Variants in WNT5A observed in about 807,000 individuals in gnomAD.
WNT5A encodes Wnt family member 5A, also known as protein Wnt-5a.
In WNT5A, 9 loss-of-function variants were observed where a neutral mutation model predicts 42.1. That is an observed-to-expected ratio of 0.21 (90% CI 0.13 to 0.37). The LOEUF (loss-of-function observed/expected upper bound fraction) is 0.37, where lower values mean the gene tolerates loss of function less well. WNT5A is among the 10% of genes least tolerant of loss of function. The pLI is 1.00. For missense variants in WNT5A, 426 were observed against 534.0 expected (o/e 0.80, Z 1.99); for synonymous variants, 210 against 210.0 (o/e 1.00, Z 0.00).
At chr3:55,497,237 T>A in the WNT5A span, among the ~76,000 whole-genome samples, 1 of 152,220 alleles carries the variant, frequency 6.6e-6, no homozygotes, top group Non-Finnish European at 1.5e-5. Flanking sequence ...GCATGGGCTG[T>A]CGTTAGGCCT....
At chr3:55,482,807 G>A (rs952064915) in intron 1 of WNT5A, among the ~76,000 whole-genome samples, 1 of 152,180 alleles carries the variant, frequency 6.6e-6, no homozygotes, top group African/African-American at 2.4e-5. Context: ...AGGGGAGGGA[G>A]TGGGCTGCAA....
the WNT5A span, chr3:55,501,651 T>C: frequency 6.6e-6 from 1 of 152,268 alleles, no homozygotes; most frequent in Non-Finnish European, 1.5e-5. Flanking sequence ...TTTTCATCTG[T>C]GTACTTTTAA....
upstream of WNT5A, among the ~76,000 whole-genome samples, chr3:55,488,528 C>A (rs1258214318): frequency 6.6e-6 from 1 of 151,868 alleles, no homozygotes; most frequent in Non-Finnish European, 1.5e-5. Context: ...CTCAACTTTG[C>A]TATGCGCATG....
intron 1 of WNT5A, among the ~76,000 whole-genome samples, chr3:55,484,789 TCCAGAGGTGGAGCAGAGTCCTTGGACA>T (rs1362641653): frequency 3.3e-5 from 5 of 152,140 alleles, no homozygotes; most frequent in African/African-American, 1.2e-4. Flanking sequence ...ATCAACTTTG[TCCAGAGGTGGAGCAGAGTCCTTGGACA>T]GAGGAAGAAA....
Position 55,483,561 on chromosome 3 carries a change from G to A in WNT5A, c.7-2643C>T, listed in dbSNP as rs1361462544. Among the ~76,000 whole-genome samples, 2 of 152,268 alleles carry A rather than the reference G, an allele frequency of 1.3e-5. No homozygotes were observed. The highest frequency in any genetic ancestry group is 3.9e-4 in the East Asian group (2 of 5,154). Reference sequence around the variant, plus strand: ...TCAGAAACTGAGTTTCCCAAAGAAGGGGCTAAATGTTTTCCAACACTTTCG... The same window carrying A: ...TCAGAAACTGAGTTTCCCAAAGAAGAGGCTAAATGTTTTCCAACACTTTCG... On this transcript the variant is annotated intron_variant, in intron 1 of 4. Coordinates refer to ENST00000264634, the MANE Select transcript of WNT5A (RefSeq NM_003392.7). The surrounding 1 kb of genome is among the most constrained non-coding windows in gnomAD (Gnocchi z 4.2).
In WNT5A at chr3:55,466,557, C is replaced by G. The variant is rs2051146721; in HGVS notation, c.*3535G>C. ...GAGGTCAGTAGCTCACAGAACTCAA[C>G]AGATAAACTGGATTAAAACTTAAAA... On this transcript the variant is annotated 3_prime_UTR_variant, in exon 5 of 5. Coordinates refer to ENST00000264634, the MANE Select transcript of WNT5A (RefSeq NM_003392.7). 1 of 152,356 alleles carries G rather than the reference C, an allele frequency of 6.6e-6. No homozygotes were observed. Among genetic ancestry groups the G allele is most frequent in the South Asian group, 2.1e-4 (1 of 4,830 alleles). 9.4% of individuals were successfully genotyped at this position (152,356 alleles called of 1,614,324 possible).
rs2051191795 is a variant in WNT5A at position 55,468,744 on chromosome 3, A to G, written c.*1348T>C. On this transcript the variant is annotated 3_prime_UTR_variant, in exon 5 of 5. Transcript: ENST00000264634. ...CTTATAAATGCAACTGTTCAAGTAC[A>G]CTGGGAACAGTTTTAAGGTACACCT... The G allele has an allele frequency of 6.6e-6, 1 of 152,518 alleles. No homozygotes were observed. Among genetic ancestry groups the G allele is most frequent in the African/African-American group, 2.4e-5 (1 of 41,414 alleles). The allele number at this position is 152,518 out of a possible 1,614,324, so 9.4% of individuals were successfully genotyped here.
intron 1 of WNT5A, 103 bp from the exon 2 acceptor site, chr3:55,481,021 T>G: frequency 8.3e-7 from 1 of 1,201,740 alleles, no homozygotes; most frequent in South Asian, 3.4e-5. Flanking sequence ...AGTTTACTGT[T>G]GATTGACTGC....
At chr3:55,481,449 G>A in intron 1 of WNT5A, 1 of 960,204 alleles carries the variant, frequency 1.0e-6, no homozygotes, top group Non-Finnish European at 1.2e-6. Context: ...CGCGGGGGGT[G>A]GAGGATGGGG....
Position 55,474,599 on chromosome 3 carries a change from A to G in WNT5A, c.422T>C (p.Val141Ala). 6.9e-7 allele frequency: 1 copy of G among 1,448,656 alleles called. No individual in the cohort carries two copies. Among genetic ancestry groups the G allele is most frequent in the Non-Finnish European group, 9.0e-7 (1 of 1,105,168 alleles). 89.7% of individuals were successfully genotyped at this position (1,448,656 alleles called of 1,614,324 possible). The change falls in exon 4 of 5, where the codon GTG becomes GCG. Residue 141 changes from valine (V) to alanine (A), a missense_variant. Val to Ala is a moderately conservative substitution (Grantham distance 64, BLOSUM62 0). Around this residue, in one of 3 missense-constraint regions of WNT5A, gnomAD observed 358 missense variants for 468.1 expected, o/e 0.76. Transcript: ENST00000264634. ...GGCGTTCACCACCCCTGCTGCGCTCACCGCGTATGTGAAGGCCGTCTCGCG... is the reference window on the plus strand; with the variant it reads ...GGCGTTCACCACCCCTGCTGCGCTCGCCGCGTATGTGAAGGCCGTCTCGCG... The part of the protein sequence containing the change: ...GSRETAFTYA[V>A]SAAGVVNAMS...
chr3:55,472,836 A>G (rs1315770750), intron 4 of WNT5A, among the ~76,000 whole-genome samples: 2 of 152,248 alleles, frequency 1.3e-5, no homozygotes, highest in East Asian at 3.8e-4. Context: ...TCAAGCACTT[A>G]CTACTGGCGG....
At chr3:55,486,436 C>A (rs1403431466) in intron 1 of WNT5A, among the ~76,000 whole-genome samples, 1 of 152,230 alleles carries the variant, frequency 6.6e-6, no homozygotes, top group East Asian at 1.9e-4. Context: ...GGCAAGCCTA[C>A]AATCTGGCCT....
chr3:55,491,041 C>T (rs1185136379), upstream of WNT5A, among the ~76,000 whole-genome samples: 4 of 152,182 alleles, frequency 2.6e-5, no homozygotes, highest in Non-Finnish European at 5.9e-5. Flanking sequence ...GGCTGGAACC[C>T]CAGTCCTCAG....
rs117338660 is a variant in WNT5A at position 55,470,428 on chromosome 3, C to T, written c.807G>A (p.Lys269=). The change falls in exon 5 of 5, where the codon AAG becomes AAA. Residue 269 remains lysine, a synonymous_variant. Transcript: ENST00000264634. ...GCCGCATGGCCGCCGCGCTGTCGTACTTCTCCTTCAGGGCATCACCCACCT... is the reference window on the plus strand; with the variant it reads ...GCCGCATGGCCGCCGCGCTGTCGTATTTCTCCTTCAGGGCATCACCCACCT... ...FRKVGDALKE[K]YDSAAAMRLN... 285 of 1,612,754 alleles carry T rather than the reference C, an allele frequency of 1.8e-4. 2 individuals are homozygous for T. The East Asian group carries it at 6.1e-3, about 34-fold the overall frequency.
chr3:55,479,646 T>G, intron 2 of WNT5A, 82 bp from the exon 3 acceptor site: 1 of 1,475,154 alleles, frequency 6.8e-7, no homozygotes, highest in Non-Finnish European at 9.0e-7. Flanking sequence ...CAATACATAG[T>G]TTTAAGCACA....
chr3:55,470,271 C>G lies in WNT5A; in HGVS notation c.964G>C (p.Gly322Arg). The G allele has an allele frequency of 6.2e-7, 1 of 1,614,024 alleles. No homozygotes were observed. Among genetic ancestry groups the G allele is most frequent in the South Asian group, 1.1e-5 (1 of 91,080 alleles). ...NESTGSLGTQ[G>R]RLCNKTSEGM... ...TCCGACGTCTTGTTGCACAGGCGGCCCTGCGTGCCCAGCGAGCCGGTGCTC... is the reference window on the plus strand; with the variant it reads ...TCCGACGTCTTGTTGCACAGGCGGCGCTGCGTGCCCAGCGAGCCGGTGCTC... The change falls in exon 5 of 5, where the codon GGC becomes CGC. Residue 322 changes from glycine to arginine, a missense_variant. Gly to Arg is a moderately radical substitution (Grantham distance 125, BLOSUM62 -2). This residue lies in a region of WNT5A where 358 missense variants were observed against 468.1 expected (regional missense o/e 0.76). Coordinates refer to ENST00000264634, the MANE Select transcript of WNT5A (RefSeq NM_003392.7).
intron 2 of WNT5A, among the ~76,000 whole-genome samples, chr3:55,480,285 GT>G (rs1257561893): frequency 6.6e-6 from 1 of 152,186 alleles, no homozygotes; most frequent in Non-Finnish European, 1.5e-5. Flanking sequence ...ACTACTTCAA[GT>G]TAACCTCCTT....
In WNT5A at chr3:55,470,119, C is replaced by A; in HGVS notation, c.1116G>T (p.Glu372Asp). 5 of 1,614,134 alleles carry A rather than the reference C, an allele frequency of 3.1e-6. No homozygotes were observed. The highest frequency in any genetic ancestry group is 4.2e-6 in the Non-Finnish European group (5 of 1,179,976). Residue 372 changes from glutamate to aspartate, a missense_variant, in exon 5 of 5, where the codon GAG becomes GAT. Physicochemically the swap from Glu to Asp is conservative, Grantham distance 45. Coordinates refer to ENST00000264634, the MANE Select transcript of WNT5A (RefSeq NM_003392.7). ...CCYVKCKKCT[E>D]IVDQFVCK ...ACTTGCACACAAACTGGTCCACGATCTCCGTGCACTTCTTGCACTTGACGT... is the reference window on the plus strand; with the variant it reads ...ACTTGCACACAAACTGGTCCACGATATCCGTGCACTTCTTGCACTTGACGT...
chr3:55,474,176 AAGAT>A (rs1392113471), intron 4 of WNT5A, among the ~76,000 whole-genome samples, 157 bp downstream of exon 4: 1 of 152,106 alleles, frequency 6.6e-6, no homozygotes, highest in African/African-American at 2.4e-5. Flanking sequence ...AAGACAGAGA[AAGAT>A]AGGGAGAGAC....
Sources: allele counts gnomAD v4.1 joint callset (sites outside exome capture counted in the v4.1 genomes callset), GRCh38; gene constraint gnomAD v4.1.1; regional missense constraint gnomAD v4.1.1; non-coding constraint Gnocchi (gnomAD v3.1); transcripts MANE v1.5; gene names NCBI Gene and HGNC (gene_info 2026-07-23, HGNC 2026-07-21).